DLG2: variants seen among roughly 807,000 people sequenced by gnomAD.
The protein encoded by DLG2 is disks large homolog 2.
DLG2 carries 45 observed loss-of-function variants against 132.5 expected under a neutral mutation model. The ratio of observed to expected loss-of-function variants is 0.34; its 90% CI spans 0.27 to 0.44. DLG2 has a LOEUF of 0.44. Among genes scored for constraint, DLG2 ranks in the 20% least tolerant of loss-of-function variants. The pLI, the probability that DLG2 is intolerant of heterozygous loss-of-function variation, is 1.00. For missense variants in DLG2, 1,045 were observed against 1,196.9 expected, an observed-to-expected ratio of 0.87 and a Z score of 1.87; for synonymous variants, 424 against 419.6, an observed-to-expected ratio of 1.01 and a Z score of -0.13.
At chr11:83,780,390 T>C (rs958027093) in intron 18 of DLG2, among the ~76,000 whole-genome samples, 1 of 152,228 alleles carries the variant, frequency 6.6e-6, no homozygotes, top group Non-Finnish European at 1.5e-5. Flanking sequence ...CACTTATTGC[T>C]GAAAAGAATA....
intron 14 of DLG2, among the ~76,000 whole-genome samples, chr11:83,947,421 A>G (rs1179718334): frequency 2.0e-5 from 3 of 152,178 alleles, no homozygotes; most frequent in Non-Finnish European, 4.4e-5. Flanking sequence ...CACAAAATCT[A>G]TTCTTAATAC....
chr11:85,164,600 T>C (rs2078290556), intron 4 of DLG2, among the ~76,000 whole-genome samples: 1 of 152,154 alleles, frequency 6.6e-6, no homozygotes, highest in Admixed American at 6.6e-5. Context: ...AAAACTTTAA[T>C]CTATTTCTGA....
chr11:85,143,284 T>C (rs1432203555), intron 5 of DLG2, among the ~76,000 whole-genome samples: 2 of 151,782 alleles, frequency 1.3e-5, no homozygotes, highest in East Asian at 1.9e-4. Context: ...TGGTAGGTTG[T>C]ATGTGTCTAG....
intron 18 of DLG2, among the ~76,000 whole-genome samples, chr11:83,654,786 C>T (rs1422164506): frequency 2.6e-5 from 4 of 152,112 alleles, no homozygotes; most frequent in Non-Finnish European, 4.4e-5. Context: ...AGGATATTGC[C>T]GAATGAGGTT....
chr11:83,623,662 A>G (rs1332617383), intron 19 of DLG2, among the ~76,000 whole-genome samples: 2 of 152,228 alleles, frequency 1.3e-5, no homozygotes, highest in African/African-American at 2.4e-5. Context: ...TTTAATCATC[A>G]TCTTTAACTG....
chr11:85,541,750 T>C (rs146315047), intron 3 of DLG2, among the ~76,000 whole-genome samples: 112 of 152,284 alleles, frequency 7.4e-4, no homozygotes, highest in African/African-American at 2.6e-3. Flanking sequence ...TTCAGCCAAA[T>C]TCTGCATCAT....
At chr11:83,555,359 C>G (rs940310811) in intron 19 of DLG2, among the ~76,000 whole-genome samples, 1 of 152,152 alleles carries the variant, frequency 6.6e-6, no homozygotes, top group African/African-American at 2.4e-5. Context: ...AGATTTACAT[C>G]GAAAACAGAT....
chr11:83,930,402 A>G lies in DLG2; in HGVS notation c.1422T>C (p.Cys474=), dbSNP rs1239501481. The G allele has an allele frequency of 6.2e-7, 1 of 1,614,110 alleles. No individual in the cohort carries two copies. The highest frequency in any genetic ancestry group is 1.1e-5 in the South Asian group (1 of 91,070). The change falls in exon 15 of 28, where the codon TGT becomes TGC. Residue 474 remains cysteine, a synonymous_variant. Transcript: ENST00000376104. ...GAGCTGAGAGGAGGAAGCTTTTGTC[A>G]CACTCAACAGGGGAATAGTGCCTGG... ...ASPRHYSPVE[C]DKSFLLSAPY... is the part of the protein sequence containing the mutation.
chr11:84,704,819 T>G (rs995014307), intron 6 of DLG2, among the ~76,000 whole-genome samples: 1 of 150,772 alleles, frequency 6.6e-6, no homozygotes, highest in Non-Finnish European at 1.5e-5. Flanking sequence ...CTGATTAAAG[T>G]TGAATCTACA....
chr11:83,506,440 C>T (rs1051499156), intron 21 of DLG2, among the ~76,000 whole-genome samples: 3 of 152,136 alleles, frequency 2.0e-5, no homozygotes, highest in Admixed American at 6.5e-5. Context: ...GTGTAGTGCA[C>T]CTCCTCATGG....
chr11:84,033,929 CAGTT>C (rs2095789153), intron 11 of DLG2, among the ~76,000 whole-genome samples: 1 of 151,236 alleles, frequency 6.6e-6, no homozygotes, highest in African/African-American at 2.4e-5. Flanking sequence ...CAAACAAAAA[CAGTT>C]AGCCGGGCAT....
At chr11:85,363,100 G>A (rs1012693338) in intron 3 of DLG2, among the ~76,000 whole-genome samples, 1 of 152,164 alleles carries the variant, frequency 6.6e-6, no homozygotes, top group African/African-American at 2.4e-5. Flanking sequence ...CTGGAGCAGT[G>A]GGGTTAGGAG....
intron 6 of DLG2, among the ~76,000 whole-genome samples, chr11:85,051,585 AT>A (rs1196577291): frequency 4.6e-5 from 7 of 152,174 alleles, no homozygotes; most frequent in African/African-American, 1.4e-4. Flanking sequence ...ATTGAAAAAA[AT>A]ATTACATATG....
intron 6 of DLG2, among the ~76,000 whole-genome samples, chr11:84,640,961 A>AC (rs1475114940): frequency 6.1e-5 from 9 of 147,716 alleles, no homozygotes. Flanking sequence ...ACAAAAAAAA[A>AC]AAACAAAAAA....
chr11:85,175,289 T>C (rs1241048167), intron 4 of DLG2, among the ~76,000 whole-genome samples: 1 of 152,176 alleles, frequency 6.6e-6, no homozygotes, highest in Non-Finnish European at 1.5e-5. Flanking sequence ...GTTGGCTTCA[T>C]CCCTAGGATG....
intron 6 of DLG2, among the ~76,000 whole-genome samples, chr11:84,756,844 G>T (rs568619041): frequency 6.6e-6 from 1 of 152,052 alleles, no homozygotes; most frequent in Admixed American, 6.5e-5. Context: ...CTTCCAGTGA[G>T]GCCCAGAGAA....
intron 7 of DLG2, among the ~76,000 whole-genome samples, chr11:84,430,326 C>G (rs1567613870): frequency 6.6e-6 from 1 of 151,542 alleles, no homozygotes; most frequent in African/African-American, 2.4e-5. Flanking sequence ...GTAATCCCAG[C>G]TACTCAGGAG....
At chr11:84,025,049 G>A (rs1354101322) in intron 11 of DLG2, among the ~76,000 whole-genome samples, 1 of 152,056 alleles carries the variant, frequency 6.6e-6, no homozygotes, top group Non-Finnish European at 1.5e-5. Flanking sequence ...AAAAAATAAA[G>A]TTAAACCCAG....
chr11:85,409,727 G>T (rs2089144865), intron 3 of DLG2, among the ~76,000 whole-genome samples: 1 of 151,692 alleles, frequency 6.6e-6, no homozygotes, highest in Admixed American at 6.6e-5. Context: ...CTTGAACTCT[G>T]GTTCTGACAC....
Sources: gnomAD v4.1 joint callset for allele counts (sites outside exome capture counted in the v4.1 genomes callset) on GRCh38, gnomAD v4.1.1 for gene constraint, MANE v1.5 for transcripts, NCBI Gene and HGNC (gene_info 2026-07-23, HGNC 2026-07-21) for gene names.